ZRANB3: variants seen among roughly 807,000 people sequenced by gnomAD.
ZRANB3 encodes zinc finger RANBP2-type containing 3.
Under a neutral mutation model 133.8 loss-of-function variants are expected in ZRANB3, and 125 were observed. The ratio of observed to expected loss-of-function variants is 0.93; its 90% CI spans 0.81 to 1.08. The LOEUF (loss-of-function observed/expected upper bound fraction) is 1.08, where lower values mean the gene tolerates loss of function less well. ZRANB3 is among the 50% of genes least tolerant of loss of function. The probability of loss-of-function intolerance (pLI) is 0.00; values close to 1 mark genes in which losing one functional copy is unlikely to be tolerated. For missense variants in ZRANB3, 1,229 were observed against 1,275.5 expected (o/e 0.96, Z 0.56); for synonymous variants, 387 against 432.7 (o/e 0.89, Z 1.31).
At chr2:135,414,021 G>A (rs1169782522) in intron 2 of ZRANB3, among the ~76,000 whole-genome samples, 2 of 151,852 alleles carry the variant, frequency 1.3e-5, no homozygotes, top group East Asian at 1.9e-4. Flanking sequence ...AAAGACCATC[G>A]AGACTAGGAA....
intron 12 of ZRANB3, among the ~76,000 whole-genome samples, chr2:135,233,455 A>G (rs1003448567): frequency 2.0e-5 from 3 of 152,146 alleles, no homozygotes; most frequent in African/African-American, 4.8e-5. Context: ...CCACAAAGAT[A>G]CTCCTCGAGA....
rs138142321 is a variant in ZRANB3 at position 135,326,417 on chromosome 2, T to C, written c.678-10887A>G. On this transcript the variant is annotated intron_variant, in intron 6 of 20. Coordinates refer to ENST00000264159, the MANE Select transcript of ZRANB3 (RefSeq NM_032143.4). Reference sequence around the variant, plus strand: ...GCAATTAATTTTAATTTTTAAGGTATAATAATGGTATTATAATTAATTACT... The same window carrying C: ...GCAATTAATTTTAATTTTTAAGGTACAATAATGGTATTATAATTAATTACT... Among the ~76,000 whole-genome samples the C allele has an allele frequency of 1.2e-4, 19 of 152,294 alleles. No homozygotes were observed. The East Asian group carries it at 3.1e-3, about 25-fold the overall frequency.
intron 12 of ZRANB3, among the ~76,000 whole-genome samples, chr2:135,258,212 A>C (rs1573774080): frequency 6.6e-6 from 1 of 152,236 alleles, no homozygotes; most frequent in African/African-American, 2.4e-5. Flanking sequence ...AATAGATGTT[A>C]GTCATTATTA....
chr2:135,204,705 TATTA>T (rs1693784225), intron 19 of ZRANB3, among the ~76,000 whole-genome samples: 1 of 136,630 alleles, frequency 7.3e-6, no homozygotes. Context: ...CAATAATATA[TATTA>T]TATGTTTTAT....
chr2:135,217,063 C>T (rs1389210766), intron 17 of ZRANB3, among the ~76,000 whole-genome samples: 1 of 152,194 alleles, frequency 6.6e-6, no homozygotes, highest in African/African-American at 2.4e-5. Flanking sequence ...AGAACCAGCT[C>T]CCTTGCTGCA....
At chr2:135,209,036 G>T (rs1366558885) in intron 17 of ZRANB3, 58 bp from the exon 18 acceptor site, 22 of 1,489,450 alleles carry the variant, frequency 1.5e-5, no homozygotes, top group Non-Finnish European at 1.9e-5. Flanking sequence ...TGTCTCTATT[G>T]CATGTTTACA....
At chr2:135,268,624 A>G (rs530011783) in intron 11 of ZRANB3, among the ~76,000 whole-genome samples, 1 of 152,308 alleles carries the variant, frequency 6.6e-6, no homozygotes, top group South Asian at 2.1e-4. Context: ...GAACTCAAGA[A>G]TTCTTCTAGA....
intron 6 of ZRANB3, among the ~76,000 whole-genome samples, chr2:135,319,652 A>G (rs1683424613): frequency 6.6e-6 from 1 of 152,154 alleles, no homozygotes; most frequent in Non-Finnish European, 1.5e-5. Flanking sequence ...CAGTACTCAC[A>G]TGTTCCCAGC....
intron 1 of ZRANB3, among the ~76,000 whole-genome samples, chr2:135,506,729 G>T (rs1360269069): frequency 6.6e-6 from 1 of 152,146 alleles, no homozygotes; most frequent in Non-Finnish European, 1.5e-5. Context: ...TCAATGGAAG[G>T]TTTAAACAGG....
intron 2 of ZRANB3, among the ~76,000 whole-genome samples, chr2:135,405,882 T>C (rs1298923294): frequency 2.0e-5 from 3 of 152,078 alleles, no homozygotes; most frequent in African/African-American, 7.2e-5. Flanking sequence ...AGATCTAAAA[T>C]TGACACCCTA....
intron 2 of ZRANB3, among the ~76,000 whole-genome samples, chr2:135,412,236 T>A (rs552471557): frequency 6.6e-6 from 1 of 152,286 alleles, no homozygotes; most frequent in Admixed American, 6.5e-5. Context: ...AGATTAAATA[T>A]GGGCTAGACA....
chr2:135,301,902 AGCACCTTGCCACAT>A (rs1490597187), intron 8 of ZRANB3, among the ~76,000 whole-genome samples: 1 of 152,248 alleles, frequency 6.6e-6, no homozygotes, highest in Non-Finnish European at 1.5e-5. Context: ...ATACCTCCCT[AGCACCTTGCCACAT>A]AGTAGGCAAT....
chr2:135,521,263 T>G (rs1308946586), intron 1 of ZRANB3, among the ~76,000 whole-genome samples: 1 of 152,186 alleles, frequency 6.6e-6, no homozygotes. Context: ...GAAGTACCTA[T>G]TATGGCCGGG....
intron 6 of ZRANB3, among the ~76,000 whole-genome samples, chr2:135,315,975 T>TATC (rs1193024556): frequency 2.0e-5 from 3 of 152,346 alleles, no homozygotes; most frequent in Admixed American, 2.0e-4. Flanking sequence ...GAGGAGATAT[T>TATC]ATCTCCAATA....
At chr2:135,217,773 T>C (rs1230786775) in intron 16 of ZRANB3, among the ~76,000 whole-genome samples, 166 bp from the exon 17 acceptor site, 2 of 152,206 alleles carry the variant, frequency 1.3e-5, no homozygotes, top group Non-Finnish European at 2.9e-5. Flanking sequence ...AGTTTTCATA[T>C]CTTTATTGTA....
At chr2:135,399,729 G>C (rs1324324886) in intron 2 of ZRANB3, among the ~76,000 whole-genome samples, 2 of 152,116 alleles carry the variant, frequency 1.3e-5, no homozygotes, top group East Asian at 3.9e-4. Context: ...CTGTTTGTAA[G>C]GAATGCCAAT....
At chr2:135,202,986 G>A (rs763552179) in intron 19 of ZRANB3, 23 bp from the exon 20 acceptor site, 2 of 1,606,520 alleles carry the variant, frequency 1.2e-6, no homozygotes, top group Non-Finnish European at 1.7e-6. Context: ...TACAAGATCA[G>A]CAATTTTCAA....
At chr2:135,317,967 G>A (rs1195009849) in intron 6 of ZRANB3, among the ~76,000 whole-genome samples, 1 of 152,054 alleles carries the variant, frequency 6.6e-6, no homozygotes, top group Non-Finnish European at 1.5e-5. Flanking sequence ...GTGCAAAGGG[G>A]AAATAAGAGG....
chr2:135,454,670 A>G (rs1574129526), intron 2 of ZRANB3, among the ~76,000 whole-genome samples: 2 of 152,194 alleles, frequency 1.3e-5, no homozygotes, highest in Admixed American at 6.5e-5. Flanking sequence ...ACTTCTACTT[A>G]TAAGTGAGAA....
Sources: allele counts gnomAD v4.1 joint callset (sites outside exome capture counted in the v4.1 genomes callset), GRCh38; gene constraint gnomAD v4.1.1; transcripts MANE v1.5; gene names NCBI Gene and HGNC (gene_info 2026-07-23, HGNC 2026-07-21).